Variants in TMEM41B observed in about 807,000 individuals in gnomAD.
TMEM41B encodes the protein protein stasimon.
A neutral mutation model predicts 31.9 loss-of-function variants in TMEM41B; 18 were observed. That is an observed-to-expected ratio of 0.56 (90% CI 0.39 to 0.84). The LOEUF (loss-of-function observed/expected upper bound fraction) is 0.84. Ranked by LOEUF, TMEM41B falls within the 40% of genes least tolerant of loss-of-function variation. The probability of loss-of-function intolerance (pLI) is 0.00; values close to 1 mark genes in which losing one functional copy is unlikely to be tolerated. For missense variants in TMEM41B, 322 were observed against 348.0 expected, an observed-to-expected ratio of 0.93 and a Z score of 0.59; for synonymous variants, 144 against 124.3, an observed-to-expected ratio of 1.16 and a Z score of -1.05.
intron 3 of TMEM41B, among the ~76,000 whole-genome samples, chr11:9,293,633 G>A (rs1200004633): frequency 1.3e-5 from 2 of 152,036 alleles, no homozygotes; most frequent in African/African-American, 2.4e-5. Flanking sequence ...CAAGGCTGGA[G>A]TGCAGTGGCA....
chr11:9,292,797 C>T (rs1308734221), intron 3 of TMEM41B, among the ~76,000 whole-genome samples: 1 of 152,078 alleles, frequency 6.6e-6, no homozygotes, highest in African/African-American at 2.4e-5. Flanking sequence ...CCACACCCGG[C>T]CCTGATAATA....
intron 1 of TMEM41B, chr11:9,311,428 T>A (rs1031665738): frequency 7.9e-6 from 11 of 1,390,826 alleles, no homozygotes; most frequent in Non-Finnish European, 1.0e-5. Context: ...ACAGGAGGCA[T>A]TCCAGGAGCA....
At chr11:9,290,287 G>T (rs1204426546) in intron 3 of TMEM41B, among the ~76,000 whole-genome samples, 1 of 152,124 alleles carries the variant, frequency 6.6e-6, no homozygotes, top group East Asian at 1.9e-4. Context: ...CAAGGCAGGG[G>T]AATCGCTTGA....
At chr11:9,306,634 T>A (rs1202931358) in intron 1 of TMEM41B, among the ~76,000 whole-genome samples, 1 of 151,526 alleles carries the variant, frequency 6.6e-6, no homozygotes, top group African/African-American at 2.4e-5. Flanking sequence ...TGCAGTGAGC[T>A]GAGATGGCGC....
rs1002903143 is a variant in TMEM41B at position 9,291,064 on chromosome 11, C to T, written c.369-2529G>A. Among the ~76,000 whole-genome samples the T allele has an allele frequency of 2.6e-5, 4 of 151,920 alleles. No homozygotes were observed. In the South Asian group the frequency reaches 6.2e-4, roughly 24 times the overall value. On this transcript the variant is annotated intron_variant, in intron 3 of 6. Transcript: ENST00000528080. The stretch of plus-strand genomic sequence containing the variant: ...CCAGAGGGCAGACGTTGTAGTGAGC[C>T]GAGATCATGCCACTGACCTCTGGCC...
chr11:9,290,137 T>C (rs1269049353), intron 3 of TMEM41B, among the ~76,000 whole-genome samples: 1 of 152,064 alleles, frequency 6.6e-6, no homozygotes, highest in Non-Finnish European at 1.5e-5. Flanking sequence ...TCCCAGCACT[T>C]AGGGAGTCTG....
chr11:9,314,238 C>G (rs1853633617), intron 1 of TMEM41B, 83 bp downstream of exon 1: 2 of 1,454,212 alleles, frequency 1.4e-6, no homozygotes, highest in African/African-American at 2.9e-5. Flanking sequence ...CCGCGACTCT[C>G]CGAGAATAGC....
chr11:9,293,284 G>A lies in TMEM41B; in HGVS notation c.368+1975C>T, dbSNP rs952489939. Among the ~76,000 whole-genome samples the A allele has an allele frequency of 9.9e-5, 15 of 152,140 alleles. No homozygotes were observed. The South Asian group carries it at 1.5e-3, about 15-fold the overall frequency. On this transcript the variant is annotated intron_variant, in intron 3 of 6. Transcript: ENST00000528080. ...CATCCAGCTAATTTTTGTATTTCTCGTAGAAACTGGGTCTAGCTACATTGC... is the reference window on the plus strand; with the variant it reads ...CATCCAGCTAATTTTTGTATTTCTCATAGAAACTGGGTCTAGCTACATTGC...
rs538372314 is a variant in TMEM41B at position 9,294,180 on chromosome 11, C to CAAAAA, written c.368+1074_368+1078dup. On this transcript the variant is annotated intron_variant, in intron 3 of 6. Transcript: ENST00000528080. Reference sequence around the variant, plus strand: ...TGGGTGACAGGGGGAGAACCTGTCTCAAAAAAAAAAAAAAAAAAAAAAAAA... The same window carrying CAAAAA: ...TGGGTGACAGGGGGAGAACCTGTCTCAAAAAAAAAAAAAAAAAAAAAAAAAAAAAA... 2.0e-3 allele frequency among the ~76,000 whole-genome samples: 144 copies of CAAAAA among 73,442 alleles called. 5 individuals carry two copies. Among genetic ancestry groups the CAAAAA allele is most frequent in the African/African-American group, 8.5e-3 (136 of 16,050 alleles). The allele number at this position is 73,442 out of a possible 152,430, so 48.2% of individuals were successfully genotyped here. A position where few individuals can be genotyped will look rare whatever the true frequency, so the allele number is the denominator to read the frequency against.
intron 1 of TMEM41B, 139 bp downstream of exon 1, chr11:9,314,182 C>G (rs567150123): frequency 8.6e-7 from 1 of 1,164,624 alleles, no homozygotes; most frequent in Non-Finnish European, 1.2e-6. Context: ...CCAACTCCCC[C>G]ACGGTCTCTG....
At position 9,314,482 on chromosome 11, in the gene TMEM41B, C is replaced by G; in HGVS notation, c.-41G>C. On this transcript the variant is annotated 5_prime_UTR_variant, in exon 1 of 7. Coordinates refer to ENST00000528080, the MANE Select transcript of TMEM41B (RefSeq NM_015012.4). The stretch of plus-strand genomic sequence containing the variant: ...AAGGGAGCGGTGCGGTGCCGCGCCC[C>G]CTAAACAACAAAACTCTGTTGCAGG... 1 of 1,527,320 alleles carries G rather than the reference C, an allele frequency of 6.5e-7. No homozygotes were observed. The highest frequency in any genetic ancestry group is 8.8e-7 in the Non-Finnish European group (1 of 1,133,852). The allele number at this position is 1,527,320 out of a possible 1,614,324, so 94.6% of individuals were successfully genotyped here.
chr11:9,300,260 T>C (rs1227973947), intron 1 of TMEM41B, among the ~76,000 whole-genome samples: 4 of 152,296 alleles, frequency 2.6e-5, no homozygotes, highest in African/African-American at 7.2e-5. Flanking sequence ...CATTGGTTTA[T>C]TGATAAGCCA....
intron 6 of TMEM41B, among the ~76,000 whole-genome samples, chr11:9,285,393 T>A (rs945780425): frequency 6.6e-6 from 1 of 152,144 alleles, no homozygotes. Context: ...AATTTTTTTT[T>A]AAAGTAGCAA....
At chr11:9,285,845 G>A (rs1031847830) in intron 6 of TMEM41B, among the ~76,000 whole-genome samples, 3 of 151,814 alleles carry the variant, frequency 2.0e-5, no homozygotes, top group African/African-American at 4.8e-5. Context: ...GGCTGGGTGC[G>A]GTGGCTCACG....
intron 6 of TMEM41B, among the ~76,000 whole-genome samples, chr11:9,285,671 T>C (rs1244285584): frequency 6.6e-6 from 1 of 152,184 alleles, no homozygotes; most frequent in African/African-American, 2.4e-5. Context: ...CCTTGCTTTT[T>C]CCATACTTTT....
chr11:9,299,980 A>G (rs1051935276), intron 1 of TMEM41B, among the ~76,000 whole-genome samples: 37 of 152,262 alleles, frequency 2.4e-4, no homozygotes, highest in African/African-American at 7.9e-4. Context: ...TTAGCTGGGC[A>G]TGGTGGTGCA....
intron 1 of TMEM41B, among the ~76,000 whole-genome samples, chr11:9,313,735 T>C (rs1271688965): frequency 6.6e-6 from 1 of 152,204 alleles, no homozygotes; most frequent in South Asian, 2.1e-4. Flanking sequence ...ACGTGAATTA[T>C]TTCGTTTAAC....
chr11:9,280,716 G>A lies in TMEM41B; in HGVS notation c.*2708C>T, dbSNP rs1385890671. 6.6e-6 allele frequency: 1 copy of A among 152,144 alleles called. No homozygotes were observed. The highest frequency in any genetic ancestry group is 1.9e-4 in the East Asian group (1 of 5,198). The allele number at this position is 152,144 out of a possible 1,614,324, so 9.4% of individuals were successfully genotyped here. A position where few individuals can be genotyped will look rare whatever the true frequency, so the allele number is the denominator to read the frequency against. ...TTAGCTTGCATTTACTAAGTGTCAT[G>A]GAAATATTATACTCAAAATAACAGA... On this transcript the variant is annotated 3_prime_UTR_variant, in exon 7 of 7. Transcript: ENST00000528080.
intron 3 of TMEM41B, among the ~76,000 whole-genome samples, chr11:9,290,200 G>A (rs1192267622): frequency 6.6e-6 from 1 of 152,080 alleles, no homozygotes; most frequent in Non-Finnish European, 1.5e-5. Context: ...CCAACATGGT[G>A]AAACCGTCTC....
Sources: gnomAD v4.1 joint callset for allele counts (sites outside exome capture counted in the v4.1 genomes callset) on GRCh38, gnomAD v4.1.1 for gene constraint, MANE v1.5 for transcripts, NCBI Gene and HGNC (gene_info 2026-07-23, HGNC 2026-07-21) for gene names.